SYN1: variants seen among roughly 807,000 people sequenced by gnomAD.
SYN1 encodes synapsin-1.
SYN1 carries 8 observed loss-of-function variants against 44.6 expected under a neutral mutation model. That is an observed-to-expected ratio of 0.18 (90% CI 0.11 to 0.32). The LOEUF (loss-of-function observed/expected upper bound fraction) is 0.32. Ranked by LOEUF, SYN1 falls within the 10% of genes least tolerant of loss-of-function variation. SYN1 has a pLI of 1.00. For synonymous variants in SYN1, 275 were observed against 280.1 expected, an observed-to-expected ratio of 0.98 and a Z score of 0.18; for missense variants, 451 against 639.4, an observed-to-expected ratio of 0.71 and a Z score of 3.18.
At chrX:47,590,203 G>A (rs1434714046) in intron 5 of SYN1, 1 of 111,279 alleles carries the variant, frequency 9.0e-6, no homozygotes, top group Non-Finnish European at 1.9e-5. Context: ...GTGGCTCACA[G>A]AAGCACCTGA....
chrX:47,619,601 G>A lies in SYN1; in HGVS notation c.128C>T (p.Thr43Met). The change falls in exon 1 of 13, where the codon ACG (threonine) becomes ATG (methionine). Residue 43 changes from threonine to methionine, a missense_variant. Transcript: ENST00000295987. Reference sequence around the variant, plus strand: ...GGCAGTGGCGGTCCCGGGACCGGGCGTGGCTCCGGGGCTGTGGGCACCGGG... The same window carrying A: ...GGCAGTGGCGGTCCCGGGACCGGGCATGGCTCCGGGGCTGTGGGCACCGGG... ...PPPGAHSPGA[T>M]PGPGTATAER... The A allele has an allele frequency of 2.6e-6, 3 of 1,159,641 alleles. No homozygotes were observed. The highest frequency in any genetic ancestry group is 3.5e-6 in the Non-Finnish European group (3 of 868,711).
chrX:47,586,431 G>T, intron 5 of SYN1: 2 of 1,140,727 alleles, frequency 1.8e-6, no homozygotes, highest in South Asian at 4.1e-5. Context: ...TCTCCCCAGC[G>T]GCTCAGTGTT....
At chrX:47,573,022 C>T (rs2057764834) in intron 12 of SYN1, 23 bp from the exon 13 acceptor site, 2 of 1,207,773 alleles carry the variant, frequency 1.7e-6, no homozygotes, top group Non-Finnish European at 2.2e-6. Context: ...AAGGTGGAGG[C>T]GTGGGAGGAA....
chrX:47,606,752 T>TATA (rs369347566), intron 3 of SYN1, among the ~76,000 whole-genome samples, 193 bp downstream of exon 3: 30 of 94,550 alleles, frequency 3.2e-4, no homozygotes, highest in African/African-American at 1.3e-3. Flanking sequence ...TATATATATA[T>TATA]TTTTTTTTAA....
chrX:47,578,749 G>A (rs1320793643), intron 5 of SYN1, among the ~76,000 whole-genome samples: 2 of 111,672 alleles, frequency 1.8e-5, no homozygotes, highest in East Asian at 5.6e-4. Context: ...CCTCCCTCTC[G>A]CTGACAAGGT....
intron 1 of SYN1, among the ~76,000 whole-genome samples, chrX:47,615,555 C>T (rs1603076574): frequency 8.9e-6 from 1 of 112,010 alleles, no homozygotes; most frequent in South Asian, 3.6e-4. Context: ...TTTATTTATC[C>T]TACTTCAAGA....
intron 5 of SYN1, chrX:47,583,289 C>T: frequency 1.9e-6 from 1 of 517,069 alleles, no homozygotes; most frequent in Non-Finnish European, 3.1e-6. Context: ...CCCCTCAAGC[C>T]CAAATCCAGC....
chrX:47,608,413 T>C (rs2057906632), intron 1 of SYN1, among the ~76,000 whole-genome samples: 1 of 112,090 alleles, frequency 8.9e-6, no homozygotes, highest in Non-Finnish European at 1.9e-5. Context: ...TCTGGCTGTG[T>C]GGCCTGAAGC....
At chrX:47,579,916 A>C in intron 5 of SYN1, among the ~76,000 whole-genome samples, 1 of 86,988 alleles carries the variant, frequency 1.1e-5, no homozygotes, top group Non-Finnish European at 2.1e-5. Context: ...TGGGTAGGTC[A>C]CTCAGCCCTT....
At chrX:47,580,665 G>A (rs2147915747) in intron 5 of SYN1, among the ~76,000 whole-genome samples, 1 of 109,659 alleles carries the variant, frequency 9.1e-6, no homozygotes, top group East Asian at 2.9e-4. Flanking sequence ...GCCGGGTGTG[G>A]TGGCTCACGC....
Position 47,590,746 on chromosome X carries a change from TC to T in SYN1, c.775-13246del, listed in dbSNP as rs201143528. On this transcript the variant is annotated intron_variant, in intron 5 of 12. Transcript: ENST00000295987. ...TCAGGGACTCCCGCAGCCACAGGCG[TC>T]CCCTTTGTGTTGTGGCTCACCCCTG... 6.9e-3 allele frequency among the ~76,000 whole-genome samples: 763 copies of T among 111,331 alleles called. 3 individuals are homozygous for T. Among genetic ancestry groups the T allele is most frequent in the Non-Finnish European group, 0.012 (625 of 52,874 alleles).
In SYN1 at chrX:47,612,899, G is replaced by A. The variant is rs150336811; in HGVS notation, c.378-5701C>T. Among the ~76,000 whole-genome samples, 12 of 111,224 alleles carry A rather than the reference G, an allele frequency of 1.1e-4. No homozygotes were observed. The East Asian group carries it at 3.4e-3, about 32-fold the overall frequency. On this transcript the variant is annotated intron_variant, in intron 1 of 12. Transcript: ENST00000295987. ...TGTAATCCCAGCACTTTGGGAGGCC[G>A]AGGTGGGCGGATTACCTGAGGTCAG...
Position 47,619,414 on chromosome X carries a change from G to T in SYN1, c.315C>A (p.Gly105=). 8.4e-7 allele frequency: 1 copy of T among 1,189,281 alleles called. No individual in the cohort carries two copies. The highest frequency in any genetic ancestry group is 3.0e-5 in the East Asian group (1 of 33,329). ...FSEQVGGGSG[G]AGRGGAASRV... ...TGGAGGCGGCTCCCCCGCGGCCTGC[G>T]CCCCCAGAGCCGCCGCCCACCTGCT... The change falls in exon 1 of 13, where the codon GGC becomes GGA. Residue 105 remains glycine, a synonymous_variant. Coordinates refer to ENST00000295987, the MANE Select transcript of SYN1 (RefSeq NM_006950.3).
intron 1 of SYN1, among the ~76,000 whole-genome samples, chrX:47,607,918 T>C (rs1030257254): frequency 3.6e-5 from 4 of 110,604 alleles, no homozygotes; most frequent in Non-Finnish European, 7.6e-5. Flanking sequence ...TATTCCCAGC[T>C]ACTTGGGAGG....
At chrX:47,579,026 A>G (rs947693410) in intron 5 of SYN1, among the ~76,000 whole-genome samples, 11 of 111,978 alleles carry the variant, frequency 9.8e-5, no homozygotes, top group Non-Finnish European at 2.1e-4. Context: ...AGGTGTGCGC[A>G]CAGCACACAG....
At chrX:47,581,122 G>A (rs2057796874) in intron 5 of SYN1, among the ~76,000 whole-genome samples, 1 of 111,108 alleles carries the variant, frequency 9.0e-6, no homozygotes, top group African/African-American at 3.3e-5. Flanking sequence ...CACTCCATAA[G>A]GGCTGCTGGT....
chrX:47,574,594 G>T lies in SYN1; in HGVS notation c.1394-4C>A. 9.1e-7 allele frequency: 1 copy of T among 1,100,651 alleles called. No individual in the cohort carries two copies. The highest frequency in any genetic ancestry group is 1.8e-5 in the African/African-American group (1 of 54,791). The allele number at this position is 1,100,651 out of a possible 1,213,427, so 90.7% of individuals were successfully genotyped here. On this transcript the variant is annotated splice_polypyrimidine_tract_variant and splice_region_variant and intron_variant, in intron 11 of 12. Transcript: ENST00000295987. ...GGACCCGGCTGTGGAGGGCCGCCTG[G>T]GGGACAGAGGGAGAGAAAGAGCACA...
At chrX:47,601,590 C>CA (rs1241829670) in intron 5 of SYN1, among the ~76,000 whole-genome samples, 1 of 110,448 alleles carries the variant, frequency 9.1e-6, no homozygotes, top group Non-Finnish European at 1.9e-5. Flanking sequence ...GACCCTGTCT[C>CA]AAAAAAAGAA....
intron 6 of SYN1, 147 bp downstream of exon 6, chrX:47,577,292 T>A (rs1281662514): frequency 1.6e-6 from 1 of 610,326 alleles, no homozygotes; most frequent in Non-Finnish European, 2.6e-6. Flanking sequence ...TAATTGTGGT[T>A]TTTACCATAA....
Sources: gnomAD v4.1 joint callset for allele counts (sites outside exome capture counted in the v4.1 genomes callset) on GRCh38, gnomAD v4.1.1 for gene constraint, MANE v1.5 for transcripts, NCBI Gene and HGNC (gene_info 2026-07-23, HGNC 2026-07-21) for gene names.